Variants in HIPK2 observed in about 807,000 individuals in gnomAD.
HIPK2 encodes homeodomain interacting protein kinase 2.
HIPK2 carries 27 observed loss-of-function variants against 113.7 expected under a neutral mutation model. The ratio of observed to expected loss-of-function variants is 0.24; its 90% CI spans 0.17 to 0.33. HIPK2 has a LOEUF of 0.33. HIPK2 is among the 10% of genes least tolerant of loss of function. HIPK2 has a pLI of 1.00. For missense variants in HIPK2, 1,257 were observed against 1,588.0 expected, an observed-to-expected ratio of 0.79 and a Z score of 3.54; for synonymous variants, 631 against 642.2, an observed-to-expected ratio of 0.98 and a Z score of 0.26.
At chr7:139,603,198 G>A (rs996796329) in intron 10 of HIPK2, among the ~76,000 whole-genome samples, 1 of 152,140 alleles carries the variant, frequency 6.6e-6, no homozygotes, top group African/African-American at 2.4e-5. Context: ...AACTGTGGGA[G>A]GTTCCCTGTG....
At chr7:139,748,841 G>A (rs143095299) in intron 1 of HIPK2, among the ~76,000 whole-genome samples, 44 of 152,112 alleles carry the variant, frequency 2.9e-4, no homozygotes, top group African/African-American at 9.9e-4. Context: ...CACTCCTCCT[G>A]GCCCACCATC....
chr7:139,668,492 G>A (rs539876424), intron 2 of HIPK2, among the ~76,000 whole-genome samples: 108 of 151,176 alleles, frequency 7.1e-4, no homozygotes, highest in Non-Finnish European at 1.3e-3. Context: ...AACCCGGGAG[G>A]CAGAGCTTGC....
intron 9 of HIPK2, among the ~76,000 whole-genome samples, chr7:139,607,305 G>A (rs1038291891): frequency 6.6e-6 from 1 of 151,446 alleles, no homozygotes; most frequent in African/African-American, 2.4e-5. Context: ...AAATGGAGGG[G>A]AAGAAATTAT....
chr7:139,741,474 A>G (rs1411767848), intron 1 of HIPK2, among the ~76,000 whole-genome samples: 3 of 152,068 alleles, frequency 2.0e-5, no homozygotes, highest in Non-Finnish European at 4.4e-5. Flanking sequence ...GTTTTTGAAG[A>G]TATTGTATTT....
At chr7:139,709,916 A>G (rs536623279) in intron 2 of HIPK2, among the ~76,000 whole-genome samples, 38 of 152,362 alleles carry the variant, frequency 2.5e-4, no homozygotes, top group African/African-American at 7.5e-4. Flanking sequence ...CAATTCTGCA[A>G]TCAAAGCATC....
At chr7:139,639,454 A>C (rs975884702) in intron 2 of HIPK2, among the ~76,000 whole-genome samples, 5 of 152,178 alleles carry the variant, frequency 3.3e-5, no homozygotes, top group African/African-American at 1.2e-4. Context: ...CTGGGTGCTA[A>C]AGATCAAAAA....
chr7:139,635,509 C>T (rs954505682), intron 2 of HIPK2, among the ~76,000 whole-genome samples: 9 of 152,154 alleles, frequency 5.9e-5, no homozygotes, highest in Non-Finnish European at 2.9e-5. Context: ...GCAGGAAACA[C>T]CAGACATAGA....
chr7:139,642,968 G>T (rs1025590170), intron 2 of HIPK2, among the ~76,000 whole-genome samples: 3 of 151,990 alleles, frequency 2.0e-5, no homozygotes, highest in Non-Finnish European at 4.4e-5. Context: ...GAGCTGGGGG[G>T]ACAGACACGA....
intron 1 of HIPK2, among the ~76,000 whole-genome samples, chr7:139,733,886 G>T (rs1203263527): frequency 6.6e-6 from 1 of 152,214 alleles, no homozygotes; most frequent in Non-Finnish European, 1.5e-5. Context: ...AACCAACCAT[G>T]GTCTGGGGAG....
chr7:139,771,683 G>A (rs755936309), intron 1 of HIPK2, among the ~76,000 whole-genome samples: 4 of 152,050 alleles, frequency 2.6e-5, no homozygotes, highest in South Asian at 2.1e-4. Context: ...TCTTATATGC[G>A]GTACTAATGA....
chr7:139,629,175 G>A, intron 4 of HIPK2, 136 bp from the exon 5 acceptor site: 1 of 669,096 alleles, frequency 1.5e-6, no homozygotes, highest in Non-Finnish European at 2.6e-6. Context: ...TCAATGACCT[G>A]CACACCTGCA....
intron 1 of HIPK2, among the ~76,000 whole-genome samples, chr7:139,773,469 CATCA>C (rs1489100505): frequency 6.6e-6 from 1 of 152,098 alleles, no homozygotes; most frequent in East Asian, 1.9e-4. Context: ...CTTGAATTGT[CATCA>C]ATAAGACTAC....
intron 7 of HIPK2, among the ~76,000 whole-genome samples, chr7:139,617,616 C>G (rs992449792): frequency 2.0e-5 from 3 of 152,214 alleles, no homozygotes; most frequent in Non-Finnish European, 4.4e-5. Context: ...ATGTTACCAA[C>G]TGGGTAACCT....
chr7:139,576,947 C>G (rs1001266620), intron 13 of HIPK2, among the ~76,000 whole-genome samples: 1 of 152,160 alleles, frequency 6.6e-6, no homozygotes, highest in Non-Finnish European at 1.5e-5. Flanking sequence ...ACTAGCCCCC[C>G]ATGTCCCTGT....
intron 1 of HIPK2, among the ~76,000 whole-genome samples, chr7:139,752,249 G>A (rs1796290435): frequency 1.3e-5 from 2 of 152,166 alleles, no homozygotes; most frequent in African/African-American, 4.8e-5. Context: ...CTAGAAAAGG[G>A]ACTGAAGTCC....
chr7:139,622,941 C>T (rs73156856), intron 6 of HIPK2, among the ~76,000 whole-genome samples: 100 of 152,274 alleles, frequency 6.6e-4, no homozygotes, highest in Non-Finnish European at 1.1e-3. Context: ...CCTTACAGAA[C>T]CCAGAGGTGG....
chr7:139,575,075 G>A lies in HIPK2; in HGVS notation c.3126+53C>T, dbSNP rs867583537. ...CACAGCAATCCTCTCTGAAGCGGAAGGATGAGGGGATGGGGGCCCTGCCTG... is the reference window on the plus strand; with the variant it reads ...CACAGCAATCCTCTCTGAAGCGGAAAGATGAGGGGATGGGGGCCCTGCCTG... On this transcript the variant is annotated intron_variant, in intron 14 of 14. Coordinates refer to ENST00000406875, the MANE Select transcript of HIPK2 (RefSeq NM_022740.5). 24 of 1,532,950 alleles carry A rather than the reference G, an allele frequency of 1.6e-5. 1 individual carries two copies. In the Middle Eastern group the frequency reaches 6.7e-4, roughly 42 times the overall value. The allele number at this position is 1,532,950 out of a possible 1,614,324, so 95.0% of individuals were successfully genotyped here.
At chr7:139,651,334 G>A (rs980979636) in intron 2 of HIPK2, among the ~76,000 whole-genome samples, 5 of 152,308 alleles carry the variant, frequency 3.3e-5, no homozygotes, top group African/African-American at 1.2e-4. Context: ...CCGGCACAGA[G>A]ACAGACACTC....
At chr7:139,720,720 A>T (rs910840000) in intron 1 of HIPK2, among the ~76,000 whole-genome samples, 2 of 152,212 alleles carry the variant, frequency 1.3e-5, no homozygotes, top group Admixed American at 6.5e-5. Flanking sequence ...TCAAAGCAAA[A>T]CAGCCATTTC....
Sources: allele counts gnomAD v4.1 joint callset (sites outside exome capture counted in the v4.1 genomes callset), GRCh38; gene constraint gnomAD v4.1.1; transcripts MANE v1.5; gene names NCBI Gene and HGNC (gene_info 2026-07-23, HGNC 2026-07-21).